HSD17B13: variants seen among roughly 807,000 people sequenced by gnomAD.
HSD17B13 encodes the protein 17-beta-hydroxysteroid dehydrogenase 13.
A neutral mutation model predicts 31.1 loss-of-function variants in HSD17B13; 26 were observed. That is an observed-to-expected ratio of 0.84 (90% CI 0.61 to 1.16). The LOEUF is 1.16. HSD17B13 is among the 50% of genes most tolerant of loss of function. HSD17B13 has a pLI of 0.00. For synonymous variants in HSD17B13, 141 were observed against 133.7 expected (o/e 1.05, Z -0.38); for missense variants, 374 against 366.5 (o/e 1.02, Z -0.17).
At chr4:87,310,016 T>C (rs1467195122) in intron 6 of HSD17B13, among the ~76,000 whole-genome samples, 1 of 152,016 alleles carries the variant, frequency 6.6e-6, no homozygotes. Context: ...AAAAATTAGC[T>C]GGGTGTAGTG....
chr4:87,320,736 T>C (rs1734767927), intron 1 of HSD17B13, among the ~76,000 whole-genome samples: 1 of 152,170 alleles, frequency 6.6e-6, no homozygotes, highest in Admixed American at 6.5e-5. Context: ...TGTGATGCCT[T>C]GTCTTTTTGT....
At chr4:87,316,724 T>C (rs1355932959) in intron 3 of HSD17B13, among the ~76,000 whole-genome samples, 1 of 152,144 alleles carries the variant, frequency 6.6e-6, no homozygotes, top group African/African-American at 2.4e-5. Context: ...TGAGGACACA[T>C]TACAAAATCA....
chr4:87,310,480 C>G, intron 5 of HSD17B13, 121 bp from the exon 6 acceptor site: 1 of 1,143,946 alleles, frequency 8.7e-7, no homozygotes, highest in South Asian at 3.2e-5. Flanking sequence ...TTAAAATATT[C>G]CAGGATTTGC....
Position 87,313,903 on chromosome 4 carries a change from G to A in HSD17B13, c.615C>T (p.Ala205=). The A allele has an allele frequency of 1.9e-6, 3 of 1,608,798 alleles. No homozygotes were observed. Among genetic ancestry groups the A allele is most frequent in the South Asian group, 1.1e-5 (1 of 90,118 alleles). The change falls in exon 5 of 7, where the codon GCC becomes GCT. Residue 205 remains alanine (A), a synonymous_variant. Transcript: ENST00000328546. ...AGGTTTTGATACCAGTTTTTCCCAA[G>A]GCCTGAAGTTCTGATGTCAGACCTC... The part of the protein sequence containing the change: ...FHRGLTSELQ[A]LGKTGIKTSC...
intron 6 of HSD17B13, among the ~76,000 whole-genome samples, chr4:87,308,695 AAAATAAAT>A (rs756510337): frequency 1.6e-4 from 24 of 149,422 alleles, no homozygotes; most frequent in African/African-American, 4.6e-4. Context: ...AAATATAATA[AAAATAAAT>A]AAATAAATAA....
At position 87,305,257 on chromosome 4, in the gene HSD17B13, T is replaced by C. The variant is rs1375740669; in HGVS notation, c.864A>G (p.Gln288=). The change falls in exon 7 of 7, where the codon CAA becomes CAG. Residue 288 remains glutamine, a synonymous_variant. Coordinates refer to ENST00000328546, the MANE Select transcript of HSD17B13 (RefSeq NM_178135.5). Reference sequence around the variant, plus strand: ...TTTTGTGGCCAACCACTGCTTCAAATTGAATATTCTGCATACGATTTAAAA... The same window carrying C: ...TTTTGTGGCCAACCACTGCTTCAAACTGAATATTCTGCATACGATTTAAAA... ...SAILNRMQNI[Q]FEAVVGHKIK... 5.0e-6 allele frequency: 8 copies of C among 1,609,664 alleles called. No individual in the cohort carries two copies. The Admixed American group carries it at 8.4e-5, about 17-fold the overall frequency.
intron 3 of HSD17B13, among the ~76,000 whole-genome samples, chr4:87,316,165 A>G (rs1734645342): frequency 6.6e-6 from 1 of 152,258 alleles, no homozygotes; most frequent in Admixed American, 6.5e-5. Context: ...GAGAAACATC[A>G]ATAAAATTTT....
chr4:87,322,562 T>C, intron 1 of HSD17B13, 70 bp downstream of exon 1: 10 of 1,169,676 alleles, frequency 8.5e-6, no homozygotes, highest in East Asian at 2.3e-5. Context: ...AAGTAGATGG[T>C]AAGTCAAATA....
intron 5 of HSD17B13, among the ~76,000 whole-genome samples, chr4:87,312,260 AGTACT>A (rs1734546118): frequency 6.6e-6 from 1 of 152,164 alleles, no homozygotes; most frequent in Non-Finnish European, 1.5e-5. Flanking sequence ...ATACTTATTA[AGTACT>A]GTGAGACAAC....
chr4:87,311,228 C>A (rs1734524086), intron 5 of HSD17B13, among the ~76,000 whole-genome samples: 2 of 152,138 alleles, frequency 1.3e-5, no homozygotes, highest in African/African-American at 4.8e-5. Flanking sequence ...AATAATCCAC[C>A]CCTTGTTTAG....
intron 1 of HSD17B13, among the ~76,000 whole-genome samples, chr4:87,320,650 G>GTGC (rs373881219): frequency 8.2e-4 from 125 of 152,308 alleles, no homozygotes; most frequent in African/African-American, 2.5e-3. Context: ...GCCTCCCAAA[G>GTGC]TGCTGGGATT....
At chr4:87,320,213 A>G (rs1220753734) in intron 1 of HSD17B13, among the ~76,000 whole-genome samples, 3 of 152,150 alleles carry the variant, frequency 2.0e-5, no homozygotes, top group African/African-American at 4.8e-5. Context: ...GGGATTGCAG[A>G]AGAGTAAAAA....
chr4:87,316,733 C>T (rs937427432), intron 3 of HSD17B13, among the ~76,000 whole-genome samples: 3 of 152,142 alleles, frequency 2.0e-5, no homozygotes, highest in African/African-American at 7.2e-5. Context: ...ATTACAAAAT[C>T]ATGGTGTGGA....
chr4:87,307,627 G>T (rs775454749), intron 6 of HSD17B13, among the ~76,000 whole-genome samples: 1 of 151,884 alleles, frequency 6.6e-6, no homozygotes, highest in Non-Finnish European at 1.5e-5. Context: ...ATTCTCCTGC[G>T]AGTGCCTGGT....
At chr4:87,313,007 C>T (rs1441154432) in intron 5 of HSD17B13, among the ~76,000 whole-genome samples, 4 of 151,744 alleles carry the variant, frequency 2.6e-5, no homozygotes, top group African/African-American at 9.7e-5. Flanking sequence ...TTGCGGTGAG[C>T]TGAGATCGCG....
intron 3 of HSD17B13, among the ~76,000 whole-genome samples, chr4:87,316,455 T>C (rs546087492): frequency 6.6e-6 from 1 of 152,062 alleles, no homozygotes; most frequent in Non-Finnish European, 1.5e-5. Flanking sequence ...AGAATCCAGA[T>C]CTGCCCTAGA....
intron 6 of HSD17B13, 58 bp downstream of exon 6, chr4:87,310,185 A>T: frequency 7.5e-7 from 1 of 1,325,036 alleles, no homozygotes; most frequent in Non-Finnish European, 9.8e-7. Context: ...AAAAAAAAAA[A>T]GCAAAAAAAA....
At chr4:87,317,274 GT>G (rs34419567) in intron 2 of HSD17B13, 51 bp from the exon 3 acceptor site, 390 of 1,584,732 alleles carry the variant, frequency 2.5e-4, no homozygotes, top group Non-Finnish European at 3.3e-4. Flanking sequence ...CAAACTCAAA[GT>G]TTTGGGACCA....
intron 1 of HSD17B13, among the ~76,000 whole-genome samples, chr4:87,320,907 C>T (rs1202801563): frequency 1.3e-5 from 2 of 152,080 alleles, no homozygotes; most frequent in African/African-American, 4.8e-5. Flanking sequence ...ATCTTCCTCG[C>T]CTAAAGGAGA....
Sources: gnomAD v4.1 joint callset for allele counts (sites outside exome capture counted in the v4.1 genomes callset) on GRCh38, gnomAD v4.1.1 for gene constraint, MANE v1.5 for transcripts, NCBI Gene and HGNC (gene_info 2026-07-23, HGNC 2026-07-21) for gene names.